Variants in PBX1 observed in about 807,000 individuals in gnomAD.
PBX1 encodes the protein pre-B-cell leukemia transcription factor 1.
In PBX1, 6 loss-of-function variants were observed where a neutral mutation model predicts 53.4. The ratio of observed to expected loss-of-function variants is 0.11; its 90% CI spans 0.06 to 0.22. The LOEUF (loss-of-function observed/expected upper bound fraction) is 0.22. Among genes scored for constraint, PBX1 ranks in the 10% least tolerant of loss-of-function variants. The pLI, the probability that PBX1 is intolerant of heterozygous loss-of-function variation, is 1.00. For synonymous variants in PBX1, 204 were observed against 212.3 expected (o/e 0.96, Z 0.34); for missense variants, 251 against 551.4 (o/e 0.46, Z 5.46).
At chr1:164,818,493 A>G (rs1481682890) in intron 6 of PBX1, 3 of 152,214 alleles carry the variant, frequency 2.0e-5, no homozygotes, top group African/African-American at 7.2e-5. Context: ...GTCCTCCTCT[A>G]ACCCCCAAAG....
intron 2 of PBX1, among the ~76,000 whole-genome samples, chr1:164,653,374 A>G (rs1288714817): frequency 6.6e-6 from 1 of 151,610 alleles, no homozygotes; most frequent in African/African-American, 2.4e-5. Flanking sequence ...TCTTTTTACA[A>G]TAATTTAGTA....
chr1:164,774,168 A>G (rs916472795), intron 2 of PBX1, among the ~76,000 whole-genome samples: 26 of 152,280 alleles, frequency 1.7e-4, no homozygotes, highest in African/African-American at 6.0e-4. Context: ...ACAGAATAAA[A>G]AAAAAATAAA....
Position 164,811,806 on chromosome 1 carries a change from G to A in PBX1, c.838-184G>A, listed in dbSNP as rs1462658531. ...TTCAGTTATATTAAACAAGAGAATC[G>A]CATTTTATGTAGTTGTCCTTTTGAA... On this transcript the variant is annotated intron_variant, in intron 5 of 8. Coordinates refer to ENST00000420696, the MANE Select transcript of PBX1 (RefSeq NM_002585.4). Among the ~76,000 whole-genome samples the A allele has an allele frequency of 2.6e-5, 4 of 152,170 alleles. No individual in the cohort carries two copies. The South Asian group carries it at 6.2e-4, about 24-fold the overall frequency.
At chr1:164,786,720 T>TGTGTGTGTGTGTGTGTGCGC (rs1357886882) in intron 2 of PBX1, among the ~76,000 whole-genome samples, 17 of 116,254 alleles carry the variant, frequency 1.5e-4, no homozygotes, top group African/African-American at 4.9e-4. Flanking sequence ...TGTGTGTGTG[T>TGTGTGTGTGTGTGTGTGCGC]GCGCGCGCAC....
chr1:164,732,945 T>C (rs1424874282), intron 2 of PBX1, among the ~76,000 whole-genome samples: 2 of 152,216 alleles, frequency 1.3e-5, no homozygotes, highest in African/African-American at 2.4e-5. Context: ...CTTTGACTGA[T>C]ATTTTTTTCT....
At chr1:164,768,722 A>G (rs1009618024) in intron 2 of PBX1, among the ~76,000 whole-genome samples, 2 of 152,162 alleles carry the variant, frequency 1.3e-5, no homozygotes, top group Admixed American at 6.5e-5. Context: ...TCTCCCCACC[A>G]TGGACCTGGA....
At chr1:164,722,599 G>A (rs1664469567) in intron 2 of PBX1, among the ~76,000 whole-genome samples, 3 of 152,102 alleles carry the variant, frequency 2.0e-5, no homozygotes, top group South Asian at 4.1e-4. Flanking sequence ...AAAGATGTTT[G>A]GATCTCTCTC....
chr1:164,579,119 G>C (rs895489056), intron 2 of PBX1, among the ~76,000 whole-genome samples: 6 of 152,168 alleles, frequency 3.9e-5, no homozygotes, highest in Non-Finnish European at 8.8e-5. Flanking sequence ...GGAGTACTGA[G>C]AGGAAGTGTG....
downstream of PBX1, among the ~76,000 whole-genome samples, chr1:164,856,229 C>T (rs1671972226): frequency 6.6e-6 from 1 of 152,180 alleles, no homozygotes; most frequent in Non-Finnish European, 1.5e-5. Context: ...AGTTCCAGGC[C>T]TTGAATAACT....
intron 2 of PBX1, among the ~76,000 whole-genome samples, chr1:164,699,154 G>T (rs550073050): frequency 6.6e-6 from 1 of 152,188 alleles, no homozygotes; most frequent in Non-Finnish European, 1.5e-5. Context: ...GATAAATGAC[G>T]TGGGTCACAA....
At chr1:164,705,810 G>A (rs912122181) in intron 2 of PBX1, among the ~76,000 whole-genome samples, 1 of 152,112 alleles carries the variant, frequency 6.6e-6, no homozygotes, top group Non-Finnish European at 1.5e-5. Flanking sequence ...AACCTCTTCA[G>A]AAGGTTTTCA....
Position 164,643,153 on chromosome 1 carries a change from C to T in PBX1, c.265+79842C>T, listed in dbSNP as rs544856592. Among the ~76,000 whole-genome samples the T allele has an allele frequency of 6.6e-5, 10 of 152,258 alleles. No individual in the cohort carries two copies. In the South Asian group the frequency reaches 1.0e-3, roughly 16 times the overall value. ...TCACCAAGGATGATGTTGCCCCATC[C>T]ATCTTCATCCATCAAGGCACTGCTG... is the stretch of plus-strand genomic sequence containing the variant. On this transcript the variant is annotated intron_variant, in intron 2 of 8. Coordinates refer to ENST00000420696, the MANE Select transcript of PBX1 (RefSeq NM_002585.4).
chr1:164,750,986 C>T (rs1380277601), intron 2 of PBX1, among the ~76,000 whole-genome samples: 5 of 152,048 alleles, frequency 3.3e-5, no homozygotes, highest in Non-Finnish European at 7.4e-5. Flanking sequence ...TCCAGGGAGA[C>T]TATGAGGTCA....
chr1:164,769,073 G>GAGGAAAGA (rs896426517), intron 2 of PBX1: 13 of 151,538 alleles, frequency 8.6e-5, no homozygotes, highest in Non-Finnish European at 1.5e-4. Context: ...AAAAAAAAAA[G>GAGGAAAGA]AGGAAAGAAG....
At chr1:164,602,218 G>T (rs1656224261) in intron 2 of PBX1, among the ~76,000 whole-genome samples, 1 of 152,120 alleles carries the variant, frequency 6.6e-6, no homozygotes, top group South Asian at 2.1e-4. Flanking sequence ...AGTACGCACA[G>T]GTATGGGCTG....
chr1:164,594,170 G>A (rs1655594166), intron 2 of PBX1, among the ~76,000 whole-genome samples: 1 of 152,192 alleles, frequency 6.6e-6, no homozygotes, highest in Non-Finnish European at 1.5e-5. Context: ...ATAAAGACAT[G>A]ATTTAAATTC....
intron 2 of PBX1, among the ~76,000 whole-genome samples, chr1:164,691,833 A>G (rs978055059): frequency 6.6e-6 from 1 of 152,164 alleles, no homozygotes; most frequent in Non-Finnish European, 1.5e-5. Context: ...AGAATTTTTG[A>G]GCACCACCAT....
chr1:164,783,263 A>C (rs1357048119), intron 2 of PBX1, among the ~76,000 whole-genome samples: 1 of 152,134 alleles, frequency 6.6e-6, no homozygotes, highest in Non-Finnish European at 1.5e-5. Flanking sequence ...AAGAGGAGAA[A>C]AGATGAGAGA....
At chr1:164,697,462 T>G (rs1489173057) in intron 2 of PBX1, among the ~76,000 whole-genome samples, 1 of 152,248 alleles carries the variant, frequency 6.6e-6, no homozygotes, top group African/African-American at 2.4e-5. Context: ...TGTCAACCCT[T>G]TATTCAACCC....
Sources: gnomAD v4.1 joint callset for allele counts (sites outside exome capture counted in the v4.1 genomes callset) on GRCh38, gnomAD v4.1.1 for gene constraint, MANE v1.5 for transcripts, NCBI Gene and HGNC (gene_info 2026-07-23, HGNC 2026-07-21) for gene names.